The following ACBD6 variants were observed in gnomAD, a reference collection of about 807,000 sequenced individuals.
ACBD6 encodes the protein acyl-CoA binding domain containing 6, also known as acyl-CoA-binding domain-containing protein 6.
A neutral mutation model predicts 37.2 loss-of-function variants in ACBD6; 28 were observed. That is an observed-to-expected ratio of 0.75 (90% CI 0.56 to 1.03). ACBD6 has a LOEUF of 1.03. Among genes scored for constraint, ACBD6 ranks in the 50% least tolerant of loss-of-function variants. ACBD6 has a pLI of 0.00. For missense variants in ACBD6, 340 were observed against 337.4 expected (o/e 1.01, Z -0.06); for synonymous variants, 113 against 126.8 (o/e 0.89, Z 0.73).
chr1:180,340,316 T>C (rs1651930184), intron 6 of ACBD6, among the ~76,000 whole-genome samples: 1 of 151,826 alleles, frequency 6.6e-6, no homozygotes, highest in Admixed American at 6.6e-5. Flanking sequence ...ATAGAAGGAG[T>C]GATCAACTGT....
chr1:180,450,373 TG>T (rs1285748179), intron 3 of ACBD6, among the ~76,000 whole-genome samples: 2 of 152,302 alleles, frequency 1.3e-5, no homozygotes, highest in Admixed American at 1.3e-4. Context: ...GGGAAGGTAG[TG>T]GGACTTGATG....
intron 1 of ACBD6, among the ~76,000 whole-genome samples, chr1:180,499,463 A>C (rs1451650112): frequency 6.6e-6 from 1 of 152,236 alleles, no homozygotes; most frequent in Admixed American, 6.5e-5. Context: ...CCTTCATATT[A>C]TCTGGATGAA....
In ACBD6 at chr1:180,474,833, A is replaced by G. The variant is rs144527075; in HGVS notation, c.384+17436T>C. On this transcript the variant is annotated intron_variant, in intron 3 of 7. Transcript: ENST00000367595. ...CTCCTTCACTGGATTTCAAATCCAA[A>G]TCAACAGACTTTCAGGATCTACATT... is the stretch of plus-strand genomic sequence containing the variant. Among the ~76,000 whole-genome samples, 229 of 152,348 alleles carry G rather than the reference A, an allele frequency of 1.5e-3. 1 individual carries two copies. Among genetic ancestry groups the G allele is most frequent in the African/African-American group, 4.0e-3 (165 of 41,590 alleles).
chr1:180,463,712 C>T (rs1458625542), intron 3 of ACBD6, among the ~76,000 whole-genome samples: 2 of 152,158 alleles, frequency 1.3e-5, no homozygotes, highest in African/African-American at 4.8e-5. Context: ...TTCCATGAGG[C>T]CAACATCATC....
chr1:180,454,222 G>A (rs535328677), intron 3 of ACBD6, among the ~76,000 whole-genome samples: 57 of 152,082 alleles, frequency 3.7e-4, no homozygotes, highest in African/African-American at 9.6e-4. Context: ...ATAACACCAC[G>A]TATCTACAAC....
At chr1:180,458,799 C>A (rs1247061037) in intron 3 of ACBD6, among the ~76,000 whole-genome samples, 1 of 152,044 alleles carries the variant, frequency 6.6e-6, no homozygotes, top group East Asian at 1.9e-4. Flanking sequence ...CTACAAAGGA[C>A]CTTCAAAGAA....
intron 6 of ACBD6, among the ~76,000 whole-genome samples, chr1:180,341,826 ACT>A (rs1471932646): frequency 6.6e-6 from 1 of 151,598 alleles, no homozygotes; most frequent in African/African-American, 2.4e-5. Flanking sequence ...TTGTTGGTAC[ACT>A]CTCTGAATTG....
chr1:180,302,891 T>G (rs1446848108), intron 7 of ACBD6, among the ~76,000 whole-genome samples: 1 of 148,380 alleles, frequency 6.7e-6, no homozygotes. Context: ...AGAACAGAAA[T>G]TATAACAAAC....
intron 4 of ACBD6, 60 bp downstream of exon 4, chr1:180,430,120 A>G (rs1648754207): frequency 3.5e-6 from 5 of 1,430,610 alleles, no homozygotes; most frequent in Non-Finnish European, 4.9e-6. Context: ...CATACATACA[A>G]ACACATGCAC....
intron 13 of ACBD6, among the ~76,000 whole-genome samples, chr1:180,272,443 C>T (rs1255108059): frequency 6.6e-6 from 1 of 152,212 alleles, no homozygotes; most frequent in Non-Finnish European, 1.5e-5. Flanking sequence ...GGAGGTCATG[C>T]TCCACAGGTT....
chr1:180,326,614 A>G (rs1174041978), intron 6 of ACBD6: 1 of 152,254 alleles, frequency 6.6e-6, no homozygotes, highest in Non-Finnish European at 1.5e-5. Flanking sequence ...TTTCTGAAGC[A>G]GAAGGAGTCT....
chr1:180,488,092 TTGTGTGTGTGTTGTG>T (rs890550523), intron 3 of ACBD6, among the ~76,000 whole-genome samples: 18 of 149,650 alleles, frequency 1.2e-4, no homozygotes, highest in Admixed American at 5.3e-4. Context: ...AAAAATGTAT[TTGTGTGTGTGTTGTG>T]TGTGTGTGTG....
At chr1:180,274,249 A>T in intron 10 of ACBD6, 1 of 1,614,242 alleles carries the variant, frequency 6.2e-7, no homozygotes, top group Middle Eastern at 1.6e-4. Flanking sequence ...GGGACGTTAC[A>T]GGCGGACAGT....
chr1:180,452,306 C>A (rs1649739051), intron 3 of ACBD6, among the ~76,000 whole-genome samples: 1 of 151,934 alleles, frequency 6.6e-6, no homozygotes, highest in South Asian at 2.1e-4. Flanking sequence ...CTCATCTCTA[C>A]TAAAAATACA....
Position 180,274,386 on chromosome 1 carries a change from T to C in ACBD6, c.*936+265A>G. The C allele has an allele frequency of 1.2e-6, 2 of 1,614,152 alleles. No homozygotes were observed. The highest frequency in any genetic ancestry group is 1.7e-6 in the Non-Finnish European group (2 of 1,180,024). On this transcript the variant is annotated intron_variant, in intron 10 of 13. Coordinates refer to the ACBD6 transcript ENST00000642319. ...TCCCTGCCATCCCACGCTCCTTTGC[T>C]CAATGGGCTGGATTACACGGTGGAC...
chr1:180,423,495 T>C (rs960021147), intron 4 of ACBD6, among the ~76,000 whole-genome samples: 2 of 152,176 alleles, frequency 1.3e-5, no homozygotes, highest in Non-Finnish European at 2.9e-5. Flanking sequence ...CTTAAAGCCT[T>C]CAAATTGAAA....
At chr1:180,491,125 T>G (rs1651487412) in intron 3 of ACBD6, among the ~76,000 whole-genome samples, 1 of 152,134 alleles carries the variant, frequency 6.6e-6, no homozygotes, top group African/African-American at 2.4e-5. Flanking sequence ...AAGTCTGAGA[T>G]TTTTAAGATT....
At position 180,502,460 on chromosome 1, in the gene ACBD6, C is replaced by T; in HGVS notation, c.-194G>A. 3.1e-6 allele frequency: 2 copies of T among 641,552 alleles called. No homozygotes were observed. The highest frequency in any genetic ancestry group is 2.8e-5 in the East Asian group (1 of 35,920). The allele number at this position is 641,552 out of a possible 1,614,324, so 39.7% of individuals were successfully genotyped here. A position where few individuals can be genotyped will look rare whatever the true frequency, so the allele number is the denominator to read the frequency against. On this transcript the variant is annotated 5_prime_UTR_variant, in exon 1 of 8. Transcript: ENST00000367595. Reference sequence around the variant, plus strand: ...CTACTCCCTGGGCGTGCAGAGCAGGCTCCTCGACCCTCTGCCGCTCTGCCC... The same window carrying T: ...CTACTCCCTGGGCGTGCAGAGCAGGTTCCTCGACCCTCTGCCGCTCTGCCC...
chr1:180,325,713 G>A (rs1469309526), intron 6 of ACBD6, among the ~76,000 whole-genome samples: 1 of 152,118 alleles, frequency 6.6e-6, no homozygotes, highest in Non-Finnish European at 1.5e-5. Context: ...TCTTGGTAAG[G>A]TTTTCCAGGT....
Sources: allele counts gnomAD v4.1 joint callset (sites outside exome capture counted in the v4.1 genomes callset), GRCh38; gene constraint gnomAD v4.1.1; transcripts MANE v1.5; gene names NCBI Gene and HGNC (gene_info 2026-07-23, HGNC 2026-07-21).